SASH1: variants seen among roughly 807,000 people sequenced by gnomAD.
The protein encoded by SASH1 is SAM and SH3 domain-containing protein 1.
In SASH1, 44 loss-of-function variants were observed where a neutral mutation model predicts 125.2. The observed-to-expected ratio is 0.35, with a 90% CI of 0.28 to 0.45. The LOEUF (loss-of-function observed/expected upper bound fraction) is 0.45. Ranked by LOEUF, SASH1 falls within the 20% of genes least tolerant of loss-of-function variation. The pLI is 1.00. For missense variants in SASH1, 1,426 were observed against 1,614.5 expected (o/e 0.88, Z 2.00); for synonymous variants, 639 against 649.1 (o/e 0.98, Z 0.24).
intron 1 of SASH1, among the ~76,000 whole-genome samples, chr6:148,298,712 A>AGGAAG (rs369219222): frequency 0.012 from 695 of 58,682 alleles, 3 homozygotes; most frequent in African/African-American, 0.019. Flanking sequence ...GAAGGAAGGA[A>AGGAAG]GAAGGAAGGG....
the SASH1 span, among the ~76,000 whole-genome samples, chr6:148,205,249 C>T: frequency 6.6e-6 from 1 of 152,192 alleles, no homozygotes; most frequent in African/African-American, 2.4e-5. Context: ...TTTAACCACT[C>T]TCCTTCGACT....
At chr6:148,241,537 A>G in the SASH1 span, among the ~76,000 whole-genome samples, 2 of 152,240 alleles carry the variant, frequency 1.3e-5, no homozygotes, top group African/African-American at 4.8e-5. Flanking sequence ...TAAGAAATTC[A>G]TAGCAATATG....
chr6:148,414,899 C>T (rs547895804), intron 2 of SASH1, among the ~76,000 whole-genome samples: 70 of 152,296 alleles, frequency 4.6e-4, no homozygotes, highest in African/African-American at 1.6e-3. Flanking sequence ...CCACCTCGGC[C>T]TCCCAAAGTG....
the SASH1 span, among the ~76,000 whole-genome samples, chr6:148,261,808 G>A: frequency 4.6e-5 from 7 of 152,224 alleles, no homozygotes; most frequent in African/African-American, 1.4e-4. Flanking sequence ...GTCAAACAAG[G>A]AGTAGAAAAG....
chr6:148,491,888 T>C (rs1779125702), intron 8 of SASH1, among the ~76,000 whole-genome samples: 1 of 152,208 alleles, frequency 6.6e-6, no homozygotes, highest in Admixed American at 6.5e-5. Flanking sequence ...AAAAGAGCCG[T>C]GTCCATGGTT....
At chr6:148,362,473 CT>C (rs1391804906) in intron 1 of SASH1, among the ~76,000 whole-genome samples, 1 of 151,942 alleles carries the variant, frequency 6.6e-6, no homozygotes, top group East Asian at 1.9e-4. Flanking sequence ...TGTGCCCCAT[CT>C]TCCCTCCCAC....
intron 2 of SASH1, among the ~76,000 whole-genome samples, chr6:148,416,924 C>T (rs1335177110): frequency 6.6e-6 from 1 of 152,138 alleles, no homozygotes; most frequent in Non-Finnish European, 1.5e-5. Context: ...CTCAGTCCTC[C>T]AGTAGGTAGT....
intron 1 of SASH1, among the ~76,000 whole-genome samples, chr6:148,333,045 A>G (rs975174240): frequency 4.6e-5 from 7 of 152,022 alleles, no homozygotes; most frequent in African/African-American, 1.7e-4. Context: ...TTTTTAATAC[A>G]CTGTATTCTA....
chr6:148,358,738 T>TG (rs745815990), intron 1 of SASH1, among the ~76,000 whole-genome samples: 2,047 of 142,960 alleles, frequency 0.014, 36 homozygotes, highest in African/African-American at 0.023. Context: ...TTTTTGTTTT[T>TG]TTTTTTTTTT....
intron 9 of SASH1, among the ~76,000 whole-genome samples, chr6:148,516,070 A>G (rs1259685189): frequency 6.6e-6 from 1 of 152,228 alleles, no homozygotes; most frequent in African/African-American, 2.4e-5. Context: ...ACTATCTTTG[A>G]GAGGCATCAA....
chr6:148,338,847 A>T (rs1214156482), upstream of SASH1, among the ~76,000 whole-genome samples: 1 of 151,938 alleles, frequency 6.6e-6, no homozygotes, highest in Non-Finnish European at 1.5e-5. Context: ...TCTACTAAAA[A>T]TCCAAAAATT....
intron 1 of SASH1, among the ~76,000 whole-genome samples, chr6:148,330,704 C>A (rs1780969008): frequency 6.6e-6 from 1 of 152,056 alleles, no homozygotes; most frequent in African/African-American, 2.4e-5. Context: ...TCCTGCCTCA[C>A]CCTCCCAAGT....
At position 148,495,681 on chromosome 6, in the gene SASH1, G is replaced by C. The variant is rs1222343564; in HGVS notation, c.729+7966G>C. ...TAAAAAAATGTGTACAATTTTTATAGTTTTGCTGACTTGGATGGCAGTGAA... is the reference window on the plus strand; with the variant it reads ...TAAAAAAATGTGTACAATTTTTATACTTTTGCTGACTTGGATGGCAGTGAA... On this transcript the variant is annotated intron_variant, in intron 8 of 19. Coordinates refer to ENST00000367467, the MANE Select transcript of SASH1 (RefSeq NM_015278.5). The surrounding 1 kb of genome is among the most constrained non-coding windows in gnomAD (Gnocchi z 4.0). Among the ~76,000 whole-genome samples, 1 of 152,136 alleles carries C rather than the reference G, an allele frequency of 6.6e-6. No homozygotes were observed. The highest frequency in any genetic ancestry group is 1.5e-5 in the Non-Finnish European group (1 of 68,022).
In SASH1 at chr6:148,343,078, C is replaced by G; in HGVS notation, c.11C>G (p.Ala4Gly). The change falls in exon 1 of 20, where the codon GCG becomes GGG. Residue 4 changes from alanine to glycine, a missense_variant. Ala to Gly is a moderately conservative substitution (Grantham distance 60, BLOSUM62 0). Around this residue, in one of 3 missense-constraint regions of SASH1, gnomAD observed 567 missense variants for 575.6 expected, o/e 0.99. Transcript: ENST00000367467. The stretch of plus-strand genomic sequence containing the variant: ...GCGCGGGACACGGCCATGGAGGACG[C>G]GGGAGCAGCTGGCCCGGGGCCGGAG... MED[A>G]GAAGPGPEPE... The G allele has an allele frequency of 6.6e-7, 1 of 1,513,046 alleles. No homozygotes were observed. Among genetic ancestry groups the G allele is most frequent in the East Asian group, 2.5e-5 (1 of 39,504 alleles). 93.7% of individuals were successfully genotyped at this position (1,513,046 alleles called of 1,614,324 possible).
chr6:148,508,816 G>T (rs1147863), intron 8 of SASH1: 73 of 820,152 alleles, frequency 8.9e-5, no homozygotes, highest in Admixed American at 2.8e-4. Flanking sequence ...GAGTGGGGAG[G>T]GGGGTGGGAG....
intron 1 of SASH1, among the ~76,000 whole-genome samples, chr6:148,296,656 G>A (rs552229692): frequency 6.6e-6 from 1 of 152,284 alleles, no homozygotes; most frequent in Admixed American, 6.5e-5. Context: ...CGACTCAAAA[G>A]GCAGCATGCT....
At position 148,399,922 on chromosome 6, in the gene SASH1, T is replaced by C. The variant is rs144596945; in HGVS notation, c.285+9660T>C. Among the ~76,000 whole-genome samples, 298 of 152,292 alleles carry C rather than the reference T, an allele frequency of 2.0e-3. 4 individuals carry two copies. Among genetic ancestry groups the C allele is most frequent in the African/African-American group, 6.0e-3 (248 of 41,548 alleles). On this transcript the variant is annotated intron_variant, in intron 2 of 19. Transcript: ENST00000367467. ...GAATATTAAAACCAGGATGCCAAAA[T>C]TGTAGTGTGATCTCAGTCTTTACAT...
chr6:148,508,810 G>A, intron 8 of SASH1: 1 of 732,390 alleles, frequency 1.4e-6, no homozygotes, highest in South Asian at 1.4e-5. Flanking sequence ...CTCTCCGAGT[G>A]GGGAGGGGGG....
chr6:148,482,419 A>G (rs1017501754), intron 7 of SASH1, among the ~76,000 whole-genome samples: 1 of 152,242 alleles, frequency 6.6e-6, no homozygotes, highest in Admixed American at 6.5e-5. Context: ...TGTGAGTCCA[A>G]CAAGACCATA....
Sources: gnomAD v4.1 joint callset for allele counts (sites outside exome capture counted in the v4.1 genomes callset) on GRCh38, gnomAD v4.1.1 for gene constraint, gnomAD v4.1.1 regional missense constraint, Gnocchi (gnomAD v3.1) non-coding constraint, MANE v1.5 for transcripts, NCBI Gene and HGNC (gene_info 2026-07-23, HGNC 2026-07-21) for gene names.